LMTK2: variants seen among roughly 807,000 people sequenced by gnomAD.
LMTK2 encodes lemur tail kinase 2.
In LMTK2, 37 loss-of-function variants were observed where a neutral mutation model predicts 127.5. The observed-to-expected ratio is 0.29, with a 90% CI of 0.22 to 0.38. LMTK2 has a LOEUF of 0.38. LMTK2 is among the 10% of genes least tolerant of loss of function. LMTK2 has a pLI of 1.00. For missense variants in LMTK2, 1,694 were observed against 1,920.3 expected, an observed-to-expected ratio of 0.88 and a Z score of 2.20; for synonymous variants, 819 against 810.1, an observed-to-expected ratio of 1.01 and a Z score of -0.19.
At chr7:98,137,632 T>C (rs1259709473) in intron 2 of LMTK2, among the ~76,000 whole-genome samples, 190 bp downstream of exon 2, 2 of 152,202 alleles carry the variant, frequency 1.3e-5, no homozygotes, top group African/African-American at 4.8e-5. Context: ...AAACAGCAGC[T>C]CAACTCTGCC....
In LMTK2 at chr7:98,151,538, G is replaced by A. The variant is rs180879815; in HGVS notation, c.450+83G>A. The A allele has an allele frequency of 2.6e-5, 30 of 1,148,210 alleles. No individual in the cohort carries two copies. The East Asian group carries it at 7.3e-4, about 28-fold the overall frequency. The allele number at this position is 1,148,210 out of a possible 1,614,324, so 71.1% of individuals were successfully genotyped here. On this transcript the variant is annotated intron_variant, in intron 4 of 13. Transcript: ENST00000297293. ...GGCTGATGAAGAATTGTGTTGTGTG[G>A]AGTTCCACGTGCCCTGTGGGCCCTG...
intron 11 of LMTK2, among the ~76,000 whole-genome samples, chr7:98,196,528 G>A (rs755690929): frequency 1.3e-5 from 2 of 152,178 alleles, no homozygotes; most frequent in South Asian, 4.1e-4. Context: ...AACTGTGCTC[G>A]GTGAGCAGTG....
At chr7:98,163,276 A>G (rs1217074208) in intron 6 of LMTK2, among the ~76,000 whole-genome samples, 1 of 151,480 alleles carries the variant, frequency 6.6e-6, no homozygotes, top group Admixed American at 6.6e-5. Flanking sequence ...TACAATGCCA[A>G]ATGGTATTTT....
At chr7:98,114,812 A>G (rs1188243435) in intron 1 of LMTK2, among the ~76,000 whole-genome samples, 1 of 151,972 alleles carries the variant, frequency 6.6e-6, no homozygotes, top group East Asian at 1.9e-4. Context: ...CCTGTTTGCA[A>G]TTGCCTCTTT....
chr7:98,204,026 T>TTC lies in LMTK2; in HGVS notation c.4328_4329dup (p.Gln1444SerfsTer44). ...CAAGTAACCTGCTCAGCTCCAAGCC[T>TTC]TCTCTCCAAACATCCAAGTACTTTT... On this transcript the variant is annotated frameshift_variant, in exon 13 of 14. Transcript: ENST00000297293. LOFTEE classifies it high-confidence loss of function. 1 of 1,614,202 alleles carries TTC rather than the reference T, an allele frequency of 6.2e-7. No individual in the cohort carries two copies. Among genetic ancestry groups the TTC allele is most frequent in the Non-Finnish European group, 8.5e-7 (1 of 1,180,042 alleles).
intron 1 of LMTK2, among the ~76,000 whole-genome samples, chr7:98,112,970 C>T (rs958158294): frequency 6.6e-5 from 10 of 152,190 alleles, no homozygotes; most frequent in Non-Finnish European, 1.2e-4. Flanking sequence ...AATCCTCCTG[C>T]CTCAGCCTCC....
At chr7:98,172,302 CT>C (rs397948033) in intron 7 of LMTK2, among the ~76,000 whole-genome samples, 6,685 of 127,800 alleles carry the variant, frequency 0.052, 293 homozygotes, top group East Asian at 0.31. Flanking sequence ...GACCATAGTT[CT>C]TTTTTTTTTT....
rs553867671 is a variant in LMTK2, at chr7:98,137,233, G to A, written c.104-82G>A. 7.4e-6 allele frequency: 10 copies of A among 1,344,486 alleles called. 1 individual carries two copies. The African/African-American group carries it at 1.3e-4, about 18-fold the overall frequency. The allele number at this position is 1,344,486 out of a possible 1,614,324, so 83.3% of individuals were successfully genotyped here. A position where few individuals can be genotyped will look rare whatever the true frequency, so the allele number is the denominator to read the frequency against. On this transcript the variant is annotated intron_variant, in intron 1 of 13. Coordinates refer to ENST00000297293, the MANE Select transcript of LMTK2 (RefSeq NM_014916.4). ...TATTAACCCTTACACCCATTTGTATGTAGAGGAAAATATATTGATTCACTA... is the reference window on the plus strand; with the variant it reads ...TATTAACCCTTACACCCATTTGTATATAGAGGAAAATATATTGATTCACTA...
chr7:98,170,293 A>G (rs1340791541), intron 6 of LMTK2, among the ~76,000 whole-genome samples: 1 of 152,222 alleles, frequency 6.6e-6, no homozygotes, highest in Admixed American at 6.5e-5. Context: ...TATTAATATC[A>G]ACATTATCAC....
chr7:98,203,846 CTG>C, intron 12 of LMTK2, 96 bp from the exon 13 acceptor site: 2 of 1,576,820 alleles, frequency 1.3e-6, no homozygotes, highest in Non-Finnish European at 1.7e-6. Flanking sequence ...CCGGGCCGGG[CTG>C]TGTCTTCCGA....
intron 7 of LMTK2, among the ~76,000 whole-genome samples, chr7:98,173,000 C>T (rs578034741): frequency 1.3e-4 from 20 of 152,290 alleles, no homozygotes; most frequent in African/African-American, 2.9e-4. Context: ...TCAGATGATC[C>T]GTCCGCCTCA....
At chr7:98,190,146 T>C (rs1441432210) in intron 9 of LMTK2, among the ~76,000 whole-genome samples, 1 of 152,218 alleles carries the variant, frequency 6.6e-6, no homozygotes, top group Non-Finnish European at 1.5e-5. Flanking sequence ...TAATTACACC[T>C]ATTATCTCTG....
intron 1 of LMTK2, among the ~76,000 whole-genome samples, chr7:98,118,882 G>C (rs1306398873): frequency 1.3e-5 from 2 of 152,164 alleles, no homozygotes; most frequent in South Asian, 4.1e-4. Context: ...CATGAGGTCA[G>C]GAGATCGAGA....
At position 98,205,643 on chromosome 7, in the gene LMTK2, T is replaced by C; in HGVS notation, c.*151T>C. On this transcript the variant is annotated 3_prime_UTR_variant, in exon 14 of 14. Transcript: ENST00000297293. ...GGTGAAGAGGGAGACGGCTCTTAGC[T>C]GCGTTCAAGGCGGGGCCCTCGGGAG... 1.2e-6 allele frequency: 1 copy of C among 854,530 alleles called. No homozygotes were observed. Among genetic ancestry groups the C allele is most frequent in the Middle Eastern group, 3.3e-4 (1 of 2,992 alleles). The allele number at this position is 854,530 out of a possible 1,614,324, so 52.9% of individuals were successfully genotyped here.
Position 98,171,694 on chromosome 7 carries a change from G to C in LMTK2, c.791+20G>C, listed in dbSNP as rs763334285. 2.6e-6 allele frequency: 4 copies of C among 1,550,380 alleles called. No individual in the cohort carries two copies. Among genetic ancestry groups the C allele is most frequent in the Admixed American group, 3.8e-5 (2 of 52,630 alleles). On this transcript the variant is annotated intron_variant, in intron 7 of 13. Transcript: ENST00000297293. The surrounding 1 kb of genome is among the most constrained non-coding windows in gnomAD (Gnocchi z 5.1). ...GCACAGGTGGGTACCTGCGTCAGCG[G>C]TGCACGCCCCACACAGCACCGGCGG...
At chr7:98,116,606 A>G (rs1482762402) in intron 1 of LMTK2, among the ~76,000 whole-genome samples, 1 of 152,196 alleles carries the variant, frequency 6.6e-6, no homozygotes, top group Non-Finnish European at 1.5e-5. Context: ...AGATTTACAG[A>G]AACATTGCAA....
rs377652649 is a variant in LMTK2 at position 98,194,002 on chromosome 7, G to A, written c.3537G>A (p.Thr1179=). Residue 1179 remains threonine, a synonymous_variant, in exon 11 of 14, where the codon ACG becomes ACA. Coordinates refer to ENST00000297293, the MANE Select transcript of LMTK2 (RefSeq NM_014916.4). The surrounding 1 kb of genome is among the most constrained non-coding windows in gnomAD (Gnocchi z 5.4). ...HNSSDLELRA[T]PEPAQTGVPQ... is the part of the protein sequence containing the mutation. ...CCAGTGACCTGGAATTAAGAGCCAC[G>A]CCGGAGCCAGCACAGACTGGTGTTC... is the stretch of plus-strand genomic sequence containing the variant. The A allele has an allele frequency of 6.6e-5, 107 of 1,613,992 alleles. 1 individual carries two copies. The highest frequency in any genetic ancestry group is 4.3e-4 in the South Asian group (39 of 91,090).
intron 2 of LMTK2, among the ~76,000 whole-genome samples, chr7:98,139,922 T>G (rs951927269): frequency 6.6e-6 from 1 of 152,102 alleles, no homozygotes; most frequent in Non-Finnish European, 1.5e-5. Context: ...GGCTAATACA[T>G]GTTAATTATC....
At position 98,193,293 on chromosome 7, in the gene LMTK2, A is replaced by G; in HGVS notation, c.2828A>G (p.Asn943Ser). Reference protein sequence around the residue: ...DHHSHRRLEKNLEAVETLNQL... With the variant: ...DHHSHRRLEKSLEAVETLNQL... Reference sequence around the variant, plus strand: ...CACAGTCATCGCCGGCTAGAGAAAAACTTAGAGGCTGTGGAGACTTTAAAT... The same window carrying G: ...CACAGTCATCGCCGGCTAGAGAAAAGCTTAGAGGCTGTGGAGACTTTAAAT... The change falls in exon 11 of 14, where the codon AAC (asparagine) becomes AGC (serine). Residue 943 changes from asparagine (N) to serine (S), a missense_variant. By Grantham distance (46) the Asn-to-Ser change is conservative. Transcript: ENST00000297293. This position sits in a 1 kb window ranked among gnomAD's most constrained non-coding sequence, Gnocchi z 4.1. The G allele has an allele frequency of 6.2e-7, 1 of 1,613,938 alleles. No individual in the cohort carries two copies. Among genetic ancestry groups the G allele is most frequent in the Non-Finnish European group, 8.5e-7 (1 of 1,180,032 alleles).
Sources: gnomAD v4.1 joint callset for allele counts (sites outside exome capture counted in the v4.1 genomes callset) on GRCh38, gnomAD v4.1.1 for gene constraint, Gnocchi (gnomAD v3.1) non-coding constraint, MANE v1.5 for transcripts, NCBI Gene and HGNC (gene_info 2026-07-23, HGNC 2026-07-21) for gene names.